Variants in PCDHGC5 observed in about 807,000 individuals in gnomAD.
PCDHGC5 encodes the protein protocadherin gamma subfamily C, 5.
Under a neutral mutation model 59.0 loss-of-function variants are expected in PCDHGC5, and 25 were observed. That is an observed-to-expected ratio of 0.42 (90% CI 0.31 to 0.59). PCDHGC5 has a LOEUF of 0.59. Ranked by LOEUF, PCDHGC5 falls within the 20% of genes least tolerant of loss-of-function variation. The pLI, the probability that PCDHGC5 is intolerant of heterozygous loss-of-function variation, is 0.13. For missense variants in PCDHGC5, 1,067 were observed against 1,206.4 expected, an observed-to-expected ratio of 0.88 and a Z score of 1.71; for synonymous variants, 434 against 505.5, an observed-to-expected ratio of 0.86 and a Z score of 1.90.
At position 141,505,451 on chromosome 5, in the gene PCDHGC5, C is replaced by T. The variant is rs1350424069; in HGVS notation, c.2578C>T (p.Leu860=). Residue 860 remains leucine (L), a synonymous_variant, in exon 3 of 4, where the codon CTG becomes TTG. Transcript: ENST00000252087. The part of the protein sequence containing the change: ...WPNNQFDTEM[L]QAMILASASE... ...CAACAACCAGTTTGACACAGAGATG[C>T]TGCAAGCCATGATCTTGGCGTCCGC... The T allele has an allele frequency of 1.2e-6, 2 of 1,614,222 alleles. No individual in the cohort carries two copies. The highest frequency in any genetic ancestry group is 1.7e-6 in the Non-Finnish European group (2 of 1,180,048).
In PCDHGC5 at chr5:141,510,929, C is replaced by T. The variant is rs1238694958; in HGVS notation, c.2609-18C>T. The T allele has an allele frequency of 3.1e-6, 5 of 1,613,988 alleles. No homozygotes were observed. The highest frequency in any genetic ancestry group is 4.2e-6 in the Non-Finnish European group (5 of 1,179,988). On this transcript the variant is annotated intron_variant, in intron 3 of 3. Coordinates refer to ENST00000252087, the MANE Select transcript of PCDHGC5 (RefSeq NM_018929.3). ...ACCCTAAGTTTAGCTCCCACCTGAT[C>T]TTCCTCTGTCTCTGCAGAAGCTGCT...
rs765263883 is a variant in PCDHGC5 at position 141,491,018 on chromosome 5, C to T, written c.1778C>T (p.Thr593Ile). Residue 593 changes from threonine to isoleucine, a missense_variant, in exon 1 of 4, where the codon ACA (threonine) becomes ATA (isoleucine). By Grantham distance (89) the Thr-to-Ile change is moderately conservative. Coordinates refer to ENST00000252087, the MANE Select transcript of PCDHGC5 (RefSeq NM_018929.3). This position sits in a 1 kb window ranked among gnomAD's most constrained non-coding sequence, Gnocchi z 6.9. The stretch of plus-strand genomic sequence containing the variant: ...CCTGGCTCCTTGGTCACCAAGGTGA[C>T]AGCCGTGGATGCTGATGCAGGCCAC... The part of the protein sequence containing the change: ...APPGSLVTKV[T>I]AVDADAGHNA... 1.2e-6 allele frequency: 2 copies of T among 1,614,146 alleles called. No individual in the cohort carries two copies. The highest frequency in any genetic ancestry group is 1.7e-6 in the Non-Finnish European group (2 of 1,180,042).
At chr5:141,497,768 G>A (rs920949258) in intron 2 of PCDHGC5, among the ~76,000 whole-genome samples, 8 of 152,070 alleles carry the variant, frequency 5.3e-5, no homozygotes, top group East Asian at 1.9e-4. Flanking sequence ...CAAACTCCCC[G>A]ACCTCAACTG....
chr5:141,491,254 G>A lies in PCDHGC5; in HGVS notation c.2014G>A (p.Glu672Lys), dbSNP rs746242389. ...VLLVLEDEDP[E>K]EMPKSSDFLI... ...GCTGGTTCTGGAGGATGAGGACCCT[G>A]AGGAAATGCCCAAATCCAGTGACTT... is the stretch of plus-strand genomic sequence containing the variant. Residue 672 changes from glutamate (E) to lysine (K), a missense_variant, in exon 1 of 4, where the codon GAG becomes AAG. By Grantham distance (56) the Glu-to-Lys change is moderately conservative. Coordinates refer to ENST00000252087, the MANE Select transcript of PCDHGC5 (RefSeq NM_018929.3). This position sits in a 1 kb window ranked among gnomAD's most constrained non-coding sequence, Gnocchi z 6.9. 24 of 1,614,198 alleles carry A rather than the reference G, an allele frequency of 1.5e-5. No individual in the cohort carries two copies. The highest frequency in any genetic ancestry group is 2.0e-5 in the Non-Finnish European group (24 of 1,180,018).
chr5:141,492,553 G>C (rs1184580300), intron 1 of PCDHGC5, among the ~76,000 whole-genome samples: 1 of 152,148 alleles, frequency 6.6e-6, no homozygotes, highest in Non-Finnish European at 1.5e-5. Flanking sequence ...CGGGTCGCCT[G>C]GGGGGCGGCC....
Position 141,489,826 on chromosome 5 carries a change from C to T in PCDHGC5, c.586C>T (p.Leu196=), listed in dbSNP as rs1270077118. 1 of 1,614,186 alleles carries T rather than the reference C, an allele frequency of 6.2e-7. No individual in the cohort carries two copies. The highest frequency in any genetic ancestry group is 1.7e-5 in the Admixed American group (1 of 60,028). Residue 196 remains leucine, a synonymous_variant, in exon 1 of 4, where the codon CTA becomes TTA. Coordinates refer to ENST00000252087, the MANE Select transcript of PCDHGC5 (RefSeq NM_018929.3). The surrounding 1 kb of genome is among the most constrained non-coding windows in gnomAD (Gnocchi z 4.5). ...TGGGAAGCCATTCCCAGAGCTGGTGCTAGAGCAGCAGCTGGATCGTGAAGC... is the reference window on the plus strand; with the variant it reads ...TGGGAAGCCATTCCCAGAGCTGGTGTTAGAGCAGCAGCTGGATCGTGAAGC... The part of the protein sequence containing the change: ...KDGKPFPELV[L]EQQLDREAQA...
intron 2 of PCDHGC5, among the ~76,000 whole-genome samples, chr5:141,501,703 G>A (rs183907124): frequency 6.6e-6 from 1 of 152,088 alleles, no homozygotes; most frequent in Non-Finnish European, 1.5e-5. Flanking sequence ...GTGATTCCGA[G>A]GATAAAAAAG....
chr5:141,498,105 G>C (rs150297456), intron 2 of PCDHGC5, among the ~76,000 whole-genome samples: 1 of 152,324 alleles, frequency 6.6e-6, no homozygotes, highest in East Asian at 1.9e-4. Flanking sequence ...TGGTGTGGGC[G>C]TATAATAGGG....
At chr5:141,501,287 T>C (rs1025193070) in intron 2 of PCDHGC5, among the ~76,000 whole-genome samples, 1 of 96,980 alleles carries the variant, frequency 1.0e-5, no homozygotes, top group African/African-American at 4.2e-5. Context: ...GGATATTCCC[T>C]TATACACACA....
intron 2 of PCDHGC5, among the ~76,000 whole-genome samples, chr5:141,504,802 C>G (rs370355030): frequency 6.6e-6 from 1 of 152,030 alleles, no homozygotes; most frequent in East Asian, 1.9e-4. Context: ...ACATCTCCCC[C>G]TAGGTACCTC....
rs575872277 is a variant in PCDHGC5, at chr5:141,511,848, G to A, written c.*675G>A. The A allele has an allele frequency of 6.4e-6, 1 of 156,684 alleles. No individual in the cohort carries two copies. The highest frequency in any genetic ancestry group is 2.0e-4 in the South Asian group (1 of 5,078). The allele number at this position is 156,684 out of a possible 1,614,324, so 9.7% of individuals were successfully genotyped here. A position where few individuals can be genotyped will look rare whatever the true frequency, so the allele number is the denominator to read the frequency against. ...GCCCTGGGGACCAGTCTTCTGTTTT[G>A]TTTTTCATTGTTTGACGTTTCCACT... On this transcript the variant is annotated 3_prime_UTR_variant, in exon 4 of 4. Transcript: ENST00000252087.
At chr5:141,500,256 T>C (rs1045685908) in intron 2 of PCDHGC5, among the ~76,000 whole-genome samples, 1 of 151,676 alleles carries the variant, frequency 6.6e-6, no homozygotes, top group Non-Finnish European at 1.5e-5. Flanking sequence ...TCACCCAGGC[T>C]GGACTGCAGT....
At position 141,512,815 on chromosome 5, in the gene PCDHGC5, A is replaced by AC. The variant is rs1215322144; in HGVS notation, c.*1647dup. ...TGTGCTGTGTCCACGCGCTAAGGCG[A>AC]CCCCCTCCCCCGTACTGACTTCTCC... is the stretch of plus-strand genomic sequence containing the variant. On this transcript the variant is annotated 3_prime_UTR_variant, in exon 4 of 4. Coordinates refer to ENST00000252087, the MANE Select transcript of PCDHGC5 (RefSeq NM_018929.3). The AC allele has an allele frequency of 6.7e-6, 1 of 149,682 alleles. No homozygotes were observed. The highest frequency in any genetic ancestry group is 1.5e-5 in the Non-Finnish European group (1 of 67,474). 9.3% of individuals were successfully genotyped at this position (149,682 alleles called of 1,614,324 possible).
At chr5:141,497,478 C>A (rs974494984) in intron 2 of PCDHGC5, among the ~76,000 whole-genome samples, 1 of 150,954 alleles carries the variant, frequency 6.6e-6, no homozygotes, top group African/African-American at 2.4e-5. Flanking sequence ...GGAGAAGGTG[C>A]GGAACCTCTC....
chr5:141,497,540 CTT>C (rs754207034), intron 2 of PCDHGC5, among the ~76,000 whole-genome samples: 114 of 134,852 alleles, frequency 8.5e-4, no homozygotes, highest in Middle Eastern at 3.7e-3. Context: ...TGCAACAAAC[CTT>C]TTTTTTTTTT....
chr5:141,492,546 G>A (rs2154587552), intron 1 of PCDHGC5, among the ~76,000 whole-genome samples: 1 of 152,336 alleles, frequency 6.6e-6, no homozygotes, highest in East Asian at 1.9e-4. Flanking sequence ...GCTGGGCCGG[G>A]TCGCCTGGGG....
intron 3 of PCDHGC5, among the ~76,000 whole-genome samples, chr5:141,505,995 C>T (rs1041284805): frequency 5.3e-5 from 8 of 152,142 alleles, no homozygotes; most frequent in African/African-American, 1.4e-4. Flanking sequence ...CCTCTTTATG[C>T]GAGGCTCCTC....
intron 3 of PCDHGC5, among the ~76,000 whole-genome samples, chr5:141,507,817 G>C (rs1038461861): frequency 3.3e-5 from 5 of 152,206 alleles, no homozygotes; most frequent in Non-Finnish European, 5.9e-5. Context: ...AACGGACCCT[G>C]GGGGTGGAGG....
chr5:141,490,488 C>A lies in PCDHGC5; in HGVS notation c.1248C>A (p.Ala416=), dbSNP rs142637733. 6.2e-7 allele frequency: 1 copy of A among 1,614,018 alleles called. No homozygotes were observed. Among genetic ancestry groups the A allele is most frequent in the African/African-American group, 1.3e-5 (1 of 74,904 alleles). ...CCAGCCAGCCTTTGGACCGGGAGGC[C>A]ACATCCCACTATATCATCGAGCTGC... ...LLTSQPLDRE[A]TSHYIIELLA... Residue 416 remains alanine, a synonymous_variant, in exon 1 of 4, where the codon GCC becomes GCA. Coordinates refer to ENST00000252087, the MANE Select transcript of PCDHGC5 (RefSeq NM_018929.3). The surrounding 1 kb of genome is among the most constrained non-coding windows in gnomAD (Gnocchi z 5.4).
Sources: gnomAD v4.1 joint callset for allele counts (sites outside exome capture counted in the v4.1 genomes callset) on GRCh38, gnomAD v4.1.1 for gene constraint, Gnocchi (gnomAD v3.1) non-coding constraint, MANE v1.5 for transcripts, NCBI Gene and HGNC (gene_info 2026-07-23, HGNC 2026-07-21) for gene names.